CCDC40: variants seen among roughly 807,000 people sequenced by gnomAD.
CCDC40 encodes the protein coiled-coil domain-containing protein 40.
A neutral mutation model predicts 124.5 loss-of-function variants in CCDC40; 104 were observed. The observed-to-expected ratio is 0.84, with a 90% CI of 0.71 to 0.98. The LOEUF (loss-of-function observed/expected upper bound fraction) is 0.98, where lower values mean the gene tolerates loss of function less well. CCDC40 is among the 50% of genes least tolerant of loss of function. The pLI, the probability that CCDC40 is intolerant of heterozygous loss-of-function variation, is 0.00. For missense variants in CCDC40, 1,463 were observed against 1,503.9 expected (o/e 0.97, Z 0.45); for synonymous variants, 580 against 602.9 (o/e 0.96, Z 0.56).
In CCDC40 at chr17:80,065,467, C is replaced by G. The variant is rs181295177; in HGVS notation, c.1441-18C>G. On this transcript the variant is annotated intron_variant, in intron 9 of 19. Coordinates refer to ENST00000397545, the MANE Select transcript of CCDC40 (RefSeq NM_017950.4). Reference sequence around the variant, plus strand: ...GAAATGAGACAGCCATTCCTGCCCCCTCCCCTGTTGGCTGCAGGCCTGCAC... The same window carrying G: ...GAAATGAGACAGCCATTCCTGCCCCGTCCCCTGTTGGCTGCAGGCCTGCAC... 1,565 of 1,612,970 alleles carry G rather than the reference C, an allele frequency of 9.7e-4. 15 individuals are homozygous for G. The African/African-American group carries it at 0.019, about 19-fold the overall frequency.
At position 80,063,793 on chromosome 17, in the gene CCDC40, C is replaced by T. The variant is rs1288569296; in HGVS notation, c.1441-1692C>T. Among the ~76,000 whole-genome samples, 4 of 152,338 alleles carry T rather than the reference C, an allele frequency of 2.6e-5. No homozygotes were observed. The East Asian group carries it at 7.7e-4, about 29-fold the overall frequency. On this transcript the variant is annotated intron_variant, in intron 9 of 19. Transcript: ENST00000397545. ...GGGGTTACAGGCATGAGCCGCCGCA[C>T]CTGGCCCAGTCAACAATAATTTATT... is the stretch of plus-strand genomic sequence containing the variant.
At chr17:80,069,896 AGAC>A (rs2038149071) in intron 10 of CCDC40, among the ~76,000 whole-genome samples, 1 of 152,266 alleles carries the variant, frequency 6.6e-6, no homozygotes, top group South Asian at 2.1e-4. Flanking sequence ...ATGATGGCAG[AGAC>A]GACTCCTCAA....
At chr17:80,056,261 C>T (rs150493920) in intron 7 of CCDC40, among the ~76,000 whole-genome samples, 14 of 151,582 alleles carry the variant, frequency 9.2e-5, no homozygotes, top group Non-Finnish European at 1.8e-4. Flanking sequence ...ATATTATACC[C>T]ACTGCTCGGT....
chr17:80,065,729 C>A, intron 10 of CCDC40, 123 bp downstream of exon 10: 1 of 1,329,428 alleles, frequency 7.5e-7, no homozygotes, highest in Non-Finnish European at 1.1e-6. Context: ...CCTTGATCCC[C>A]GGGTCCGGGC....
rs758488439 is a variant in CCDC40, at chr17:80,050,065, T to C, written c.941T>C (p.Val314Ala). The change falls in exon 7 of 20, where the codon GTT (valine) becomes GCT (alanine). Residue 314 changes from valine (V) to alanine (A), a missense_variant and splice_region_variant. By Grantham distance (64) the Val-to-Ala change is moderately conservative. Coordinates refer to ENST00000397545, the MANE Select transcript of CCDC40 (RefSeq NM_017950.4). ...ACCCTGTTTCTCTCTTTGGTCCAGG[T>C]TGTGGCTACCAAGCAGAGCCGAGCC... ...EKLKLDLQEL[V>A]VATKQSRAQR... 6.8e-6 allele frequency: 11 copies of C among 1,613,728 alleles called. No homozygotes were observed. In the Admixed American group the frequency reaches 1.3e-4, roughly 20 times the overall value.
In CCDC40 at chr17:80,058,896, A is replaced by C. The variant is rs1205258888; in HGVS notation, c.1356A>C (p.Gln452His). Residue 452 changes from glutamine (Q) to histidine (H), a missense_variant, in exon 9 of 20, where the codon CAA becomes CAC. Coordinates refer to ENST00000397545, the MANE Select transcript of CCDC40 (RefSeq NM_017950.4). The surrounding 1 kb of genome is among the most constrained non-coding windows in gnomAD (Gnocchi z 4.2). ...YVDQLTTRAQ[Q>H]LEEDIALFEA... ...ACCAGCTCACCACTCGAGCCCAGCA[A>C]CTGGAAGAAGACATTGCCCTGTTTG... 2.5e-6 allele frequency: 4 copies of C among 1,614,182 alleles called. No individual in the cohort carries two copies. In the East Asian group the frequency reaches 8.9e-5, roughly 36 times the overall value.
At chr17:80,077,909 T>C (rs1342371633) in intron 10 of CCDC40, among the ~76,000 whole-genome samples, 1 of 152,242 alleles carries the variant, frequency 6.6e-6, no homozygotes, top group Admixed American at 6.5e-5. Flanking sequence ...TGTCCCAGTC[T>C]GTGGCTTTGT....
intron 11 of CCDC40, 43 bp from the exon 12 acceptor site, chr17:80,081,833 G>A (rs1156841357): frequency 1.2e-6 from 2 of 1,613,864 alleles, no homozygotes; most frequent in Non-Finnish European, 1.7e-6. Flanking sequence ...GCGCACGGTG[G>A]TGCCTCTTCA....
chr17:80,087,431 C>T lies in CCDC40; in HGVS notation c.2450-176C>T. ...AAAGAGACCCCCTGTCCTCTCCTCT[C>T]CTCTGTCCTGGCAGGGACGAGATTC... is the stretch of plus-strand genomic sequence containing the variant. On this transcript the variant is annotated intron_variant, in intron 14 of 19. Transcript: ENST00000397545. The surrounding 1 kb of genome is among the most constrained non-coding windows in gnomAD (Gnocchi z 4.5). The T allele has an allele frequency of 1.5e-6, 1 of 672,858 alleles. No homozygotes were observed. Among genetic ancestry groups the T allele is most frequent in the South Asian group, 1.6e-5 (1 of 63,294 alleles). The allele number at this position is 672,858 out of a possible 1,614,324, so 41.7% of individuals were successfully genotyped here.
At chr17:80,093,479 G>A (rs530714625) in intron 17 of CCDC40, among the ~76,000 whole-genome samples, 35 of 151,276 alleles carry the variant, frequency 2.3e-4, no homozygotes, top group Non-Finnish European at 4.3e-4. Flanking sequence ...CACTGTGCCC[G>A]GCCAGCTGAT....
rs1381213349 is a variant in CCDC40 at position 80,055,997 on chromosome 17, TATATATA to T, written c.1160-2496_1160-2490del. Reference sequence around the variant, plus strand: ...GCTAATTTTCATATATATATATATATATATATATATATATATATATTTTTTTTTTTTT... The same window carrying T: ...GCTAATTTTCATATATATATATATATTATATATATATATTTTTTTTTTTTT... On this transcript the variant is annotated intron_variant, in intron 7 of 19. Transcript: ENST00000397545. Among the ~76,000 whole-genome samples, 33 of 11,924 alleles carry T rather than the reference TATATATA, an allele frequency of 2.8e-3. 2 individuals are homozygous for T. Among genetic ancestry groups the T allele is most frequent in the Non-Finnish European group, 4.6e-3 (13 of 2,838 alleles). The allele number at this position is 11,924 out of a possible 152,430, so 7.8% of individuals were successfully genotyped here.
At chr17:80,082,923 A>G (rs2038493045) in intron 12 of CCDC40, among the ~76,000 whole-genome samples, 1 of 151,954 alleles carries the variant, frequency 6.6e-6, no homozygotes, top group Non-Finnish European at 1.5e-5. Flanking sequence ...TGAAAAGAGT[A>G]CCCCCGACAC....
chr17:80,095,107 T>C (rs111228247), intron 17 of CCDC40, among the ~76,000 whole-genome samples, 156 bp from the exon 18 acceptor site: 7 of 152,338 alleles, frequency 4.6e-5, no homozygotes, highest in African/African-American at 1.2e-4. Flanking sequence ...GCTGCCTCCA[T>C]GTCCCTTGTT....
intron 1 of CCDC40, among the ~76,000 whole-genome samples, chr17:80,037,721 T>TATATATATATATATATATC (rs2037157313): frequency 1.9e-5 from 1 of 54,026 alleles, no homozygotes; most frequent in Admixed American, 2.2e-4. Context: ...ATATATATAT[T>TATATATATATATATATATC]CCTGTGCTAC....
At chr17:80,057,051 A>AT in intron 7 of CCDC40, among the ~76,000 whole-genome samples, 1 of 150,924 alleles carries the variant, frequency 6.6e-6, no homozygotes, top group Non-Finnish European at 1.5e-5. Context: ...AAAAAAAAAA[A>AT]AGAAGAATAG....
Position 80,081,963 on chromosome 17 carries a change from A to C in CCDC40, c.1894A>C (p.Ile632Leu). ...GCTCAGGAGGAAGACGGATGCTGCC[A>C]TCCGGGAGAAGCTGCAGGAGCACAT... ...LELRRKTDAA[I>L]REKLQEHMTS... Residue 632 changes from isoleucine (I) to leucine (L), a missense_variant, in exon 12 of 20, where the codon ATC (isoleucine) becomes CTC (leucine). Ile to Leu is a conservative substitution (Grantham distance 5, BLOSUM62 2). Transcript: ENST00000397545. 6.2e-7 allele frequency: 1 copy of C among 1,613,952 alleles called. No homozygotes were observed. The highest frequency in any genetic ancestry group is 1.3e-5 in the African/African-American group (1 of 75,000).
intron 9 of CCDC40, among the ~76,000 whole-genome samples, chr17:80,064,536 A>G (rs937239730): frequency 1.3e-5 from 2 of 151,782 alleles, no homozygotes. Context: ...TCCTGTACCC[A>G]TGTCACAGCT....
At chr17:80,037,071 C>T (rs1247751679) in intron 1 of CCDC40, among the ~76,000 whole-genome samples, 1 of 152,212 alleles carries the variant, frequency 6.6e-6, no homozygotes, top group Non-Finnish European at 1.5e-5. Flanking sequence ...GGGCGCGGGG[C>T]TGTTGGATAC....
chr17:80,087,432 C>T lies in CCDC40; in HGVS notation c.2450-175C>T. 3.0e-6 allele frequency: 2 copies of T among 674,818 alleles called. No homozygotes were observed. The highest frequency in any genetic ancestry group is 2.7e-5 in the East Asian group (1 of 36,604). 41.8% of individuals were successfully genotyped at this position (674,818 alleles called of 1,614,324 possible). A position where few individuals can be genotyped will look rare whatever the true frequency, so the allele number is the denominator to read the frequency against. ...AAGAGACCCCCTGTCCTCTCCTCTC[C>T]TCTGTCCTGGCAGGGACGAGATTCA... On this transcript the variant is annotated intron_variant, in intron 14 of 19. Coordinates refer to ENST00000397545, the MANE Select transcript of CCDC40 (RefSeq NM_017950.4). This position sits in a 1 kb window ranked among gnomAD's most constrained non-coding sequence, Gnocchi z 4.5.
Sources: allele counts gnomAD v4.1 joint callset (sites outside exome capture counted in the v4.1 genomes callset), GRCh38; gene constraint gnomAD v4.1.1; non-coding constraint Gnocchi (gnomAD v3.1); transcripts MANE v1.5; gene names NCBI Gene and HGNC (gene_info 2026-07-23, HGNC 2026-07-21).